COBL: variants seen among roughly 807,000 people sequenced by gnomAD.
The protein encoded by COBL is cordon-bleu WH2 repeat protein.
In COBL, 51 loss-of-function variants were observed where a neutral mutation model predicts 98.8. The observed-to-expected ratio is 0.52, with a 90% CI of 0.41 to 0.65. COBL has a LOEUF of 0.65. Ranked by LOEUF, COBL falls within the 30% of genes least tolerant of loss-of-function variation. COBL has a pLI of 0.00. For synonymous variants in COBL, 634 were observed against 651.7 expected, an observed-to-expected ratio of 0.97 and a Z score of 0.41; for missense variants, 1,617 against 1,617.5, an observed-to-expected ratio of 1.00 and a Z score of 0.01.
intron 6 of COBL, among the ~76,000 whole-genome samples, chr7:51,130,373 C>T (rs1438085841): frequency 2.0e-5 from 3 of 152,158 alleles, no homozygotes; most frequent in Admixed American, 2.0e-4. Context: ...CAAGCATCAT[C>T]CACTTTATCA....
At chr7:51,277,235 C>T (rs1252074842) in intron 1 of COBL, among the ~76,000 whole-genome samples, 3 of 152,206 alleles carry the variant, frequency 2.0e-5, no homozygotes, top group African/African-American at 7.2e-5. Context: ...GCTAGGTCTG[C>T]TCTCACGGAA....
chr7:51,118,688 G>A (rs547816045), intron 6 of COBL, among the ~76,000 whole-genome samples: 40 of 152,222 alleles, frequency 2.6e-4, no homozygotes, highest in African/African-American at 8.4e-4. Flanking sequence ...TATGTTTTAC[G>A]CTTCTATAAT....
intron 1 of COBL, among the ~76,000 whole-genome samples, chr7:51,295,812 T>C (rs1218230332): frequency 6.6e-6 from 1 of 152,188 alleles, no homozygotes; most frequent in African/African-American, 2.4e-5. Flanking sequence ...CTCACAGAAG[T>C]CTGCACTTCT....
chr7:51,235,861 C>T (rs941064646), intron 1 of COBL, among the ~76,000 whole-genome samples: 1 of 152,156 alleles, frequency 6.6e-6, no homozygotes, highest in African/African-American at 2.4e-5. Context: ...TGACTACCCA[C>T]CCCCTCCTGC....
intron 5 of COBL, among the ~76,000 whole-genome samples, chr7:51,162,817 C>T (rs1786951520): frequency 1.3e-5 from 2 of 152,226 alleles, no homozygotes; most frequent in Non-Finnish European, 2.9e-5. Flanking sequence ...CCTCGGCCTC[C>T]GCCAGGCTAA....
intron 6 of COBL, among the ~76,000 whole-genome samples, chr7:51,091,995 T>C (rs996404498): frequency 2.0e-5 from 3 of 152,212 alleles, no homozygotes; most frequent in Non-Finnish European, 1.5e-5. Context: ...CCAGTACCAA[T>C]TCGTGGCTTG....
In COBL at chr7:51,105,260, G is replaced by A. The variant is rs528138481; in HGVS notation, c.958-19956C>T. Among the ~76,000 whole-genome samples the A allele has an allele frequency of 2.1e-4, 32 of 152,242 alleles. No individual in the cohort carries two copies. In the South Asian group the frequency reaches 6.0e-3, roughly 29 times the overall value. ...CCGAGCCCATTCTTTGGGTTTGGACGGGTGAATGCGTGTTTCTCACAGTCA... is the reference window on the plus strand; with the variant it reads ...CCGAGCCCATTCTTTGGGTTTGGACAGGTGAATGCGTGTTTCTCACAGTCA... On this transcript the variant is annotated intron_variant, in intron 6 of 12. Coordinates refer to ENST00000265136, the MANE Select transcript of COBL (RefSeq NM_015198.5).
intron 1 of COBL, among the ~76,000 whole-genome samples, chr7:51,246,755 T>A (rs185728432): frequency 1.2e-4 from 18 of 152,370 alleles, no homozygotes; most frequent in African/African-American, 3.6e-4. Context: ...ACACAGATTG[T>A]CATACTTGCA....
chr7:51,029,013 G>C lies in COBL; in HGVS notation c.2083C>G (p.Pro695Ala). The change falls in exon 10 of 13, where the codon CCA becomes GCA. Residue 695 changes from proline (P) to alanine (A), a missense_variant. By Grantham distance (27) the Pro-to-Ala change is conservative. Around this residue, in one of 3 missense-constraint regions of COBL, gnomAD observed 1,304 missense variants for 1,282.0 expected, o/e 1.02. Transcript: ENST00000265136. ...PTSWHQRGQN[P>A]GKSYRLKHGL... is the part of the protein sequence containing the mutation. Reference sequence around the variant, plus strand: ...TGCTTAAGTCTGTAGCTTTTCCCTGGGTTTTGGCCTCGTTGGTGCCATGAT... The same window carrying C: ...TGCTTAAGTCTGTAGCTTTTCCCTGCGTTTTGGCCTCGTTGGTGCCATGAT... 6.2e-7 allele frequency: 1 copy of C among 1,614,124 alleles called. No individual in the cohort carries two copies.
At chr7:51,078,339 T>C (rs1445561395) in intron 7 of COBL, among the ~76,000 whole-genome samples, 1 of 152,182 alleles carries the variant, frequency 6.6e-6, no homozygotes, top group Non-Finnish European at 1.5e-5. Flanking sequence ...CTGGATATGA[T>C]ACATGGAACA....
In COBL at chr7:51,193,474, T is replaced by G; in HGVS notation, c.361A>C (p.Asn121His). 6.2e-7 allele frequency: 1 copy of G among 1,614,206 alleles called. No individual in the cohort carries two copies. Among genetic ancestry groups the G allele is most frequent in the East Asian group, 2.2e-5 (1 of 44,886 alleles). The change falls in exon 3 of 13, where the codon AAT (asparagine) becomes CAT (histidine). Residue 121 changes from asparagine to histidine, a missense_variant. Asn to His is a moderately conservative substitution (Grantham distance 68). Transcript: ENST00000265136. ...ACATTCAGGGTCCCAATCAAAGTAT[T>G]TGGCTTAAAACTCAAAGGTTGTTGG... Reference protein sequence around the residue: ...ETQQPLSFKPNTLIGTLNVHT... With the variant: ...ETQQPLSFKPHTLIGTLNVHT...
intron 5 of COBL, among the ~76,000 whole-genome samples, chr7:51,157,481 C>G (rs1562975332): frequency 1.3e-5 from 2 of 152,208 alleles, no homozygotes; most frequent in Non-Finnish European, 1.5e-5. Flanking sequence ...CCTGGCTCCT[C>G]TGTGTGTCTC....
At chr7:51,098,898 C>G (rs1795551550) in intron 6 of COBL, among the ~76,000 whole-genome samples, 1 of 151,974 alleles carries the variant, frequency 6.6e-6, no homozygotes, top group Middle Eastern at 3.2e-3. Flanking sequence ...TAAAGAGCAT[C>G]AAGTCAACAA....
chr7:51,191,538 C>T (rs997782210), intron 3 of COBL, among the ~76,000 whole-genome samples: 1 of 149,532 alleles, frequency 6.7e-6, no homozygotes, highest in Non-Finnish European at 1.5e-5. Context: ...TATATATGTA[C>T]ATAGATATAT....
chr7:51,144,624 A>T (rs1210628461), intron 5 of COBL, among the ~76,000 whole-genome samples: 1 of 152,218 alleles, frequency 6.6e-6, no homozygotes, highest in Non-Finnish European at 1.5e-5. Flanking sequence ...TCATCCAGAC[A>T]TCACCACTAT....
At chr7:51,251,794 G>A (rs938824036) in intron 1 of COBL, among the ~76,000 whole-genome samples, 1 of 152,102 alleles carries the variant, frequency 6.6e-6, no homozygotes, top group Non-Finnish European at 1.5e-5. Context: ...TGAAAGATTG[G>A]TACAATGAAC....
chr7:51,131,376 T>C (rs1798717963), intron 6 of COBL, among the ~76,000 whole-genome samples: 1 of 152,194 alleles, frequency 6.6e-6, no homozygotes, highest in South Asian at 2.1e-4. Flanking sequence ...TAATGAAAAC[T>C]AAAATTAGAT....
intron 1 of COBL, among the ~76,000 whole-genome samples, chr7:51,266,502 C>T (rs1798214923): frequency 6.6e-6 from 1 of 152,106 alleles, no homozygotes; most frequent in Admixed American, 6.6e-5. Flanking sequence ...CCCTTGAACC[C>T]GGGAGGCAGA....
chr7:51,223,027 G>A (rs1793804714), intron 1 of COBL, among the ~76,000 whole-genome samples: 1 of 152,212 alleles, frequency 6.6e-6, no homozygotes, highest in Non-Finnish European at 1.5e-5. Flanking sequence ...ACACAAAGGT[G>A]GAGTCACGTG....
Sources: allele counts gnomAD v4.1 joint callset (sites outside exome capture counted in the v4.1 genomes callset), GRCh38; gene constraint gnomAD v4.1.1; regional missense constraint gnomAD v4.1.1; transcripts MANE v1.5; gene names NCBI Gene and HGNC (gene_info 2026-07-23, HGNC 2026-07-21).